TRANK1: variants seen among roughly 807,000 people sequenced by gnomAD.
TRANK1 encodes TPR and ankyrin repeat-containing protein 1.
In TRANK1, 198 loss-of-function variants were observed where a neutral mutation model predicts 266.0. That is an observed-to-expected ratio of 0.74 (90% CI 0.66 to 0.84). The LOEUF is 0.84. TRANK1 is among the 40% of genes least tolerant of loss of function. The pLI, the probability that TRANK1 is intolerant of heterozygous loss-of-function variation, is 0.00. For synonymous variants in TRANK1, 1,396 were observed against 1,384.1 expected, an observed-to-expected ratio of 1.01 and a Z score of -0.19; for missense variants, 3,326 against 3,634.6, an observed-to-expected ratio of 0.92 and a Z score of 2.18.
intron 1 of TRANK1, among the ~76,000 whole-genome samples, chr3:36,926,552 A>G (rs2080291179): frequency 6.6e-6 from 1 of 152,148 alleles, no homozygotes; most frequent in East Asian, 1.9e-4. Flanking sequence ...AATGGCCTGT[A>G]AGGCTCACCT....
chr3:36,894,928 C>T (rs1281277860), intron 5 of TRANK1, among the ~76,000 whole-genome samples: 5 of 152,162 alleles, frequency 3.3e-5, no homozygotes, highest in Admixed American at 2.6e-4. Context: ...TAGAATATGC[C>T]AGGTATTATA....
chr3:36,858,718 C>A lies in TRANK1; in HGVS notation c.1672G>T (p.Ala558Ser). The A allele has an allele frequency of 2.6e-6, 4 of 1,518,978 alleles. No homozygotes were observed. The highest frequency in any genetic ancestry group is 2.6e-6 in the Non-Finnish European group (3 of 1,137,380). The allele number at this position is 1,518,978 out of a possible 1,614,324, so 94.1% of individuals were successfully genotyped here. A position where few individuals can be genotyped will look rare whatever the true frequency, so the allele number is the denominator to read the frequency against. ...AALHIFLEIK[A>S]DIGFSFLSHL... The stretch of plus-strand genomic sequence containing the variant: ...GGCTGCTTAAAAAACAAGGGCTTAC[C>A]TTTAATCTCTAGAAAGATGTGGAGT... The change falls in exon 12 of 24, where the codon GCT becomes TCT. Residue 558 changes from alanine (A) to serine (S), a missense_variant and splice_region_variant. Coordinates refer to ENST00000645898, the MANE Select transcript of TRANK1 (RefSeq NM_001329998.2).
chr3:36,838,776 G>T (rs77439454), intron 18 of TRANK1, 60 bp from the exon 19 acceptor site: 2 of 1,505,660 alleles, frequency 1.3e-6, no homozygotes, highest in Admixed American at 1.9e-5. Context: ...ACAGAACAAC[G>T]GTTAAAGCAT....
At chr3:36,945,203 A>T (rs1406907694), upstream of TRANK1, 6 of 207,646 alleles carry the variant, frequency 2.9e-5, no homozygotes, top group Admixed American at 3.6e-4. Context: ...GCCTTTGAAT[A>T]AACGAGTGCT....
At chr3:36,892,076 G>T (rs919023022) in intron 7 of TRANK1, 126 bp downstream of exon 7, 6 of 1,168,166 alleles carry the variant, frequency 5.1e-6, no homozygotes, top group Non-Finnish European at 6.9e-6. Context: ...TGAATAATCA[G>T]ATCATTTGAA....
chr3:36,877,565 C>T (rs1342774645), intron 8 of TRANK1, among the ~76,000 whole-genome samples: 1 of 152,112 alleles, frequency 6.6e-6, no homozygotes, highest in Non-Finnish European at 1.5e-5. Flanking sequence ...ATTTAACCAT[C>T]TATTAGTATG....
In TRANK1 at chr3:36,831,062, A is replaced by G. The variant is rs2078686339; in HGVS notation, c.8521T>C (p.Phe2841Leu). ...ATGGCCGGGTCCACCTTCTCGTGGA[A>G]AAATTCTGAGTATTTCTGGTAGGCC... is the stretch of plus-strand genomic sequence containing the variant. ...QVAYQKYSEF[F>L]HEKVDPAIDE... Residue 2841 changes from phenylalanine to leucine, a missense_variant, in exon 22 of 24, where the codon TTC (phenylalanine) becomes CTC (leucine). Transcript: ENST00000645898. The surrounding 1 kb of genome is among the most constrained non-coding windows in gnomAD (Gnocchi z 5.0). 1 of 1,613,838 alleles carries G rather than the reference A, an allele frequency of 6.2e-7. No individual in the cohort carries two copies. Among genetic ancestry groups the G allele is most frequent in the African/African-American group, 1.3e-5 (1 of 74,906 alleles).
intron 9 of TRANK1, 69 bp downstream of exon 9, chr3:36,874,057 A>ACTGACC: frequency 7.2e-7 from 1 of 1,398,146 alleles, no homozygotes; most frequent in Non-Finnish European, 9.5e-7. Context: ...AAAGAGATAA[A>ACTGACC]CTGATTTGTA....
In TRANK1 at chr3:36,856,552, A is replaced by C. The variant is rs1575210087; in HGVS notation, c.3170T>G (p.Leu1057Arg). Residue 1057 changes from leucine to arginine, a missense_variant, in exon 13 of 24, where the codon CTT becomes CGT. Coordinates refer to ENST00000645898, the MANE Select transcript of TRANK1 (RefSeq NM_001329998.2). ...TVEYPFRVGE[L>R]EYAVIDLNPR... is the part of the protein sequence containing the mutation. ...ATTGAGGTCGATCACCGCGTACTCA[A>C]GCTCACCCACCCGGAAGGGGTACTC... The C allele has an allele frequency of 1.9e-6, 3 of 1,613,980 alleles. No individual in the cohort carries two copies. In the East Asian group the frequency reaches 6.7e-5, roughly 36 times the overall value.
chr3:36,939,260 TAC>T (rs10623771), intron 1 of TRANK1, among the ~76,000 whole-genome samples: 19,351 of 139,482 alleles, frequency 0.14, 1,412 homozygotes, highest in African/African-American at 0.2. Flanking sequence ...CATTCTAACA[TAC>T]ACACACACAC....
Position 36,828,239 on chromosome 3 carries a change from G to A in TRANK1, c.*36C>T. On this transcript the variant is annotated 3_prime_UTR_variant, in exon 24 of 24. Transcript: ENST00000645898. ...TCAGAATTCTAAGTCAGAATGGAAT[G>A]TTCCGAAGGATGAGGAGGCTGCAGC... 2 of 1,475,180 alleles carry A rather than the reference G, an allele frequency of 1.4e-6. No individual in the cohort carries two copies. Among genetic ancestry groups the A allele is most frequent in the South Asian group, 1.2e-5 (1 of 84,650 alleles). The allele number at this position is 1,475,180 out of a possible 1,614,324, so 91.4% of individuals were successfully genotyped here.
intron 9 of TRANK1, among the ~76,000 whole-genome samples, chr3:36,864,924 C>G (rs2079192575): frequency 1.3e-5 from 2 of 151,270 alleles, no homozygotes; most frequent in Admixed American, 1.3e-4. Flanking sequence ...TGAGTAAGTT[C>G]AATTAAGGCC....
chr3:36,831,081 G>A lies in TRANK1; in HGVS notation c.8502C>T (p.Tyr2834=), dbSNP rs1267936451. The change falls in exon 22 of 24, where the codon TAC becomes TAT. Residue 2834 remains tyrosine (Y), a synonymous_variant. Coordinates refer to ENST00000645898, the MANE Select transcript of TRANK1 (RefSeq NM_001329998.2). The surrounding 1 kb of genome is among the most constrained non-coding windows in gnomAD (Gnocchi z 5.0). ...LEHHQRQQVA[Y]QKYSEFFHEK... is the part of the protein sequence containing the mutation. ...CGTGGAAAAATTCTGAGTATTTCTG[G>A]TAGGCCACTTGCTGCCTCTGGTGGT... 5.0e-6 allele frequency: 8 copies of A among 1,613,856 alleles called. No individual in the cohort carries two copies. In the Admixed American group the frequency reaches 1.3e-4, roughly 27 times the overall value.
chr3:36,862,498 G>A (rs1180826706), intron 10 of TRANK1, among the ~76,000 whole-genome samples: 2 of 152,110 alleles, frequency 1.3e-5, no homozygotes, highest in South Asian at 2.1e-4. Context: ...TTTGTCCCCG[G>A]AATCTATTCA....
chr3:36,847,514 C>T (rs1268674214), intron 15 of TRANK1, among the ~76,000 whole-genome samples, 168 bp from the exon 16 acceptor site: 1 of 152,152 alleles, frequency 6.6e-6, no homozygotes, highest in Admixed American at 6.5e-5. Flanking sequence ...GGGAGATTAA[C>T]TTGCACAAGC....
At chr3:36,849,308 C>T (rs2078957035) in intron 15 of TRANK1, among the ~76,000 whole-genome samples, 1 of 152,206 alleles carries the variant, frequency 6.6e-6, no homozygotes, top group Admixed American at 6.5e-5. Context: ...AGAAGGATAG[C>T]TTGAGGGTGA....
chr3:36,884,715 G>C (rs544301799), intron 8 of TRANK1, among the ~76,000 whole-genome samples: 1 of 152,048 alleles, frequency 6.6e-6, no homozygotes, highest in Non-Finnish European at 1.5e-5. Context: ...GGTGAATCAC[G>C]TGAGGCCAAG....
chr3:36,908,845 G>A (rs1473944205), intron 1 of TRANK1, among the ~76,000 whole-genome samples: 1 of 152,186 alleles, frequency 6.6e-6, no homozygotes, highest in African/African-American at 2.4e-5. Flanking sequence ...TTCAGATGAG[G>A]AAACTGAGGC....
intron 3 of TRANK1, among the ~76,000 whole-genome samples, chr3:36,900,271 A>G (rs7355854): frequency 1.3e-5 from 2 of 152,168 alleles, no homozygotes; most frequent in African/African-American, 4.8e-5. Context: ...TGAGATTGAC[A>G]TGAAAACAAA....
Sources: allele counts gnomAD v4.1 joint callset (sites outside exome capture counted in the v4.1 genomes callset), GRCh38; gene constraint gnomAD v4.1.1; non-coding constraint Gnocchi (gnomAD v3.1); transcripts MANE v1.5; gene names NCBI Gene and HGNC (gene_info 2026-07-23, HGNC 2026-07-21).